Variants in VPS37A observed in about 807,000 individuals in gnomAD.
VPS37A encodes vacuolar protein sorting-associated protein 37A.
A neutral mutation model predicts 49.8 loss-of-function variants in VPS37A; 30 were observed. The observed-to-expected ratio is 0.60, with a 90% confidence interval of 0.45 to 0.82. The LOEUF is 0.82. Ranked by LOEUF, VPS37A falls within the 40% of genes least tolerant of loss-of-function variation. VPS37A has a pLI of 0.00. For synonymous variants in VPS37A, 195 were observed against 160.6 expected, an observed-to-expected ratio of 1.21 and a Z score of -1.62; for missense variants, 593 against 464.4, an observed-to-expected ratio of 1.28 and a Z score of -2.55.
At chr8:17,288,133 G>A (rs1024071273) in intron 11 of VPS37A, among the ~76,000 whole-genome samples, 4 of 152,206 alleles carry the variant, frequency 2.6e-5, no homozygotes, top group Admixed American at 2.6e-4. Flanking sequence ...AGAAGAAGTA[G>A]ACACAGAGTA....
chr8:17,310,390 A>G, the VPS37A span, among the ~76,000 whole-genome samples: 1 of 152,186 alleles, frequency 6.6e-6, no homozygotes, highest in Non-Finnish European at 1.5e-5. Context: ...CCCCTTACAA[A>G]GAAATATGAA....
At chr8:17,247,994 T>A in intron 1 of VPS37A, 2 of 547,034 alleles carry the variant, frequency 3.7e-6, no homozygotes, top group Non-Finnish European at 6.5e-6. Flanking sequence ...AGAATTACTT[T>A]ATGTTCATCT....
At chr8:17,289,131 G>C (rs1159902450) in intron 11 of VPS37A, among the ~76,000 whole-genome samples, 1 of 152,144 alleles carries the variant, frequency 6.6e-6, no homozygotes, top group Middle Eastern at 3.2e-3. Context: ...ATAGATTCCA[G>C]AAATTTTCCC....
chr8:17,275,880 G>A (rs1048109488), intron 5 of VPS37A, among the ~76,000 whole-genome samples: 1 of 152,170 alleles, frequency 6.6e-6, no homozygotes, highest in Non-Finnish European at 1.5e-5. Flanking sequence ...GTGTTAATGA[G>A]TGTTGTGAAC....
intron 9 of VPS37A, among the ~76,000 whole-genome samples, chr8:17,282,120 T>A (rs1476334321): frequency 6.6e-6 from 1 of 151,962 alleles, no homozygotes. Context: ...TGAAAAAAAC[T>A]CCCTTTCCCA....
downstream of VPS37A, among the ~76,000 whole-genome samples, chr8:17,303,981 C>CT (rs1188810694): frequency 2.0e-5 from 3 of 152,068 alleles, no homozygotes; most frequent in African/African-American, 7.2e-5. Flanking sequence ...CGGTTTTTGC[C>CT]TTTTTGTTGT....
intron 11 of VPS37A, among the ~76,000 whole-genome samples, chr8:17,288,173 C>G (rs1252556475): frequency 6.6e-6 from 1 of 152,094 alleles, no homozygotes; most frequent in South Asian, 2.1e-4. Context: ...ATACTCAAAT[C>G]CGTTCCTTAC....
At position 17,279,752 on chromosome 8, in the gene VPS37A, G is replaced by C. The variant is rs111756296; in HGVS notation, c.714-276G>C. 2.4e-3 allele frequency: 1,179 copies of C among 492,770 alleles called. 15 individuals carry two copies. Among genetic ancestry groups the C allele is most frequent in the African/African-American group, 0.02 (1,023 of 51,666 alleles). 30.5% of individuals were successfully genotyped at this position (492,770 alleles called of 1,614,324 possible). On this transcript the variant is annotated intron_variant, in intron 6 of 11. Transcript: ENST00000324849. ...TGTATAACTGTGAACACTTCCCCAC[G>C]GTTGTGATTTTTAAAGAAAGTAGAT...
intron 1 of VPS37A, among the ~76,000 whole-genome samples, chr8:17,249,872 G>A (rs1260157381): frequency 6.6e-6 from 1 of 152,210 alleles, no homozygotes; most frequent in African/African-American, 2.4e-5. Context: ...AAAACTGTCT[G>A]TATTTATGAT....
intron 1 of VPS37A, among the ~76,000 whole-genome samples, chr8:17,256,742 TC>T (rs1812504730): frequency 6.6e-6 from 1 of 151,866 alleles, no homozygotes; most frequent in South Asian, 2.1e-4. Flanking sequence ...AACCTCCGCC[TC>T]CCGGATTCAA....
rs1369097395 is a variant in VPS37A at position 17,274,716 on chromosome 8, T to C, written c.417-17T>C. On this transcript the variant is annotated splice_polypyrimidine_tract_variant and intron_variant, in intron 4 of 11. Transcript: ENST00000324849. Reference sequence around the variant, plus strand: ...TCCATAAAATCTAATGTAATGATCTTCTCTTTTTCTTTTCAGTCTATACAG... The same window carrying C: ...TCCATAAAATCTAATGTAATGATCTCCTCTTTTTCTTTTCAGTCTATACAG... 3 of 1,586,248 alleles carry C rather than the reference T, an allele frequency of 1.9e-6. No homozygotes were observed. The highest frequency in any genetic ancestry group is 2.6e-6 in the Non-Finnish European group (3 of 1,157,536).
At chr8:17,320,323 A>C in the VPS37A span, among the ~76,000 whole-genome samples, 2,099 of 152,244 alleles carry the variant, frequency 0.014, 27 homozygotes, top group Non-Finnish European at 0.022. Context: ...TGTACCTCTA[A>C]AATAAAATAT....
chr8:17,298,761 C>G (rs1816905547), downstream of VPS37A: 1 of 152,524 alleles, frequency 6.6e-6, no homozygotes, highest in African/African-American at 2.4e-5. Flanking sequence ...CTAGTGAAGT[C>G]TTTTTTAACT....
chr8:17,289,669 A>G (rs141044926), intron 11 of VPS37A, among the ~76,000 whole-genome samples: 2 of 152,170 alleles, frequency 1.3e-5, no homozygotes, highest in Non-Finnish European at 2.9e-5. Context: ...TTCGCTGAGG[A>G]TTGTCTTGGA....
At chr8:17,248,048 G>A (rs1811508758) in intron 1 of VPS37A, 1 of 451,720 alleles carries the variant, frequency 2.2e-6, no homozygotes, top group South Asian at 2.2e-5. Flanking sequence ...TTTTATCATG[G>A]TCAGTTTAGA....
downstream of VPS37A, chr8:17,300,075 TG>T (rs1446828484): frequency 6.2e-7 from 1 of 1,614,184 alleles, no homozygotes; most frequent in Non-Finnish European, 8.5e-7. Context: ...GGCTCCGGGA[TG>T]GAAATGATTT....
intron 1 of VPS37A, among the ~76,000 whole-genome samples, chr8:17,249,853 G>A (rs1296131306): frequency 6.6e-6 from 1 of 152,184 alleles, no homozygotes; most frequent in Admixed American, 6.5e-5. Flanking sequence ...AAGCCCCAGA[G>A]ACCGAAGGAA....
chr8:17,311,762 C>T, the VPS37A span: 30 of 1,462,292 alleles, frequency 2.1e-5, no homozygotes, highest in Non-Finnish European at 2.7e-5. Flanking sequence ...CCTGTCCATT[C>T]GTCTGTTTAG....
intron 1 of VPS37A, among the ~76,000 whole-genome samples, chr8:17,253,427 G>A (rs1310642491): frequency 1.3e-5 from 2 of 152,288 alleles, no homozygotes; most frequent in South Asian, 2.1e-4. Context: ...GTCAAAAAAG[G>A]CCAGCCACCT....
Sources: gnomAD v4.1 joint callset for allele counts (sites outside exome capture counted in the v4.1 genomes callset) on GRCh38, gnomAD v4.1.1 for gene constraint, MANE v1.5 for transcripts, NCBI Gene and HGNC (gene_info 2026-07-23, HGNC 2026-07-21) for gene names.